The following SUMF1 variants were observed in gnomAD, a reference collection of about 807,000 sequenced individuals.
SUMF1 encodes formylglycine-generating enzyme.
Under a neutral mutation model 47.6 loss-of-function variants are expected in SUMF1, and 48 were observed. The observed-to-expected ratio is 1.01, with a 90% CI of 0.80 to 1.28. The LOEUF is 1.28. Ranked by LOEUF, SUMF1 falls within the 50% of genes most tolerant of loss-of-function variation. The pLI, the probability that SUMF1 is intolerant of heterozygous loss-of-function variation, is 0.00. For missense variants in SUMF1, 571 were observed against 485.4 expected (o/e 1.18, Z -1.66); for synonymous variants, 230 against 192.1 (o/e 1.20, Z -1.63).
chr3:4,333,874 TC>T (rs1321977588), intron 8 of SUMF1, among the ~76,000 whole-genome samples: 2 of 152,148 alleles, frequency 1.3e-5, no homozygotes, highest in East Asian at 3.9e-4. Flanking sequence ...ACACTTGTAA[TC>T]CCAGCACTTT....
intron 8 of SUMF1, among the ~76,000 whole-genome samples, chr3:4,187,830 C>A (rs1213536185): frequency 6.6e-6 from 1 of 152,000 alleles, no homozygotes; most frequent in Non-Finnish European, 1.5e-5. Context: ...TCCTTTGGAC[C>A]TCATATTGCC....
chr3:4,063,767 T>A lies in SUMF1; in HGVS notation c.1191+4802A>T, dbSNP rs11922050. The stretch of plus-strand genomic sequence containing the variant: ...TTTTTACATGTATTATATTACTCAA[T>A]CAGAAAACTTACTTTTGTGGACAAT... On this transcript the variant is annotated intron_variant and NMD_transcript_variant, in intron 9 of 12. Coordinates refer to the SUMF1 transcript ENST00000448413. Among the ~76,000 whole-genome samples the A allele has an allele frequency of 6.1e-3, 933 of 152,276 alleles. 12 individuals carry two copies. The highest frequency in any genetic ancestry group is 0.022 in the African/African-American group (895 of 41,560).
At chr3:4,392,613 G>A (rs988240548) in intron 7 of SUMF1, among the ~76,000 whole-genome samples, 11 of 77,830 alleles carry the variant, frequency 1.4e-4, no homozygotes, top group African/African-American at 3.5e-4. Context: ...GTGTGTGTGT[G>A]TGTATATATA....
chr3:4,212,669 G>T (rs1401327228), intron 8 of SUMF1, among the ~76,000 whole-genome samples: 1 of 152,048 alleles, frequency 6.6e-6, no homozygotes, highest in East Asian at 1.9e-4. Context: ...ATTGAAAAAA[G>T]GTTACACGAA....
rs139536086 is a variant in SUMF1 at position 4,412,689 on chromosome 3, G to A, written c.841-1711C>T. On this transcript the variant is annotated intron_variant, in intron 6 of 8. Coordinates refer to ENST00000272902, the MANE Select transcript of SUMF1 (RefSeq NM_182760.4). ...ACCTGGGGTCAAGAGTTCAAGACTA[G>A]CCTGGCCAACATGGTCAAACCCTGT... is the stretch of plus-strand genomic sequence containing the variant. 7.9e-3 allele frequency among the ~76,000 whole-genome samples: 1,205 copies of A among 152,226 alleles called. 14 individuals carry two copies. The highest frequency in any genetic ancestry group is 0.028 in the African/African-American group (1,162 of 41,536).
chr3:4,111,695 T>G (rs1266195580), intron 8 of SUMF1, among the ~76,000 whole-genome samples: 1 of 151,972 alleles, frequency 6.6e-6, no homozygotes, highest in African/African-American at 2.4e-5. Context: ...GCCGAGATTG[T>G]GCCATTGCAC....
At chr3:4,111,955 G>A (rs530947735) in intron 8 of SUMF1, among the ~76,000 whole-genome samples, 11 of 152,192 alleles carry the variant, frequency 7.2e-5, no homozygotes, top group Non-Finnish European at 1.3e-4. Flanking sequence ...ACAAAGTGGT[G>A]TAGATATTAG....
chr3:4,459,726 T>A (rs1173919165), intron 1 of SUMF1, among the ~76,000 whole-genome samples: 1 of 152,182 alleles, frequency 6.6e-6, no homozygotes, highest in Non-Finnish European at 1.5e-5. Context: ...AATATGTATC[T>A]CTCTAATCTC....
intron 8 of SUMF1, among the ~76,000 whole-genome samples, chr3:4,316,028 CAG>C (rs1449827825): frequency 8.1e-6 from 1 of 122,840 alleles, no homozygotes; most frequent in African/African-American, 3.3e-5. Context: ...GCTTGGGTGA[CAG>C]AGCGAGACTC....
intron 8 of SUMF1, among the ~76,000 whole-genome samples, chr3:4,082,953 G>A (rs1349980818): frequency 6.6e-6 from 1 of 152,132 alleles, no homozygotes; most frequent in African/African-American, 2.4e-5. Flanking sequence ...CCAGAGTGGT[G>A]CACTGCCTGA....
chr3:4,226,880 T>TC (rs11398864), intron 8 of SUMF1, among the ~76,000 whole-genome samples: 152,087 of 152,094 alleles, frequency 1, 76,040 homozygotes, highest in Middle Eastern at 1. Flanking sequence ...TTCTCACTTC[T>TC]CCCGTCCCCT....
At chr3:4,334,787 G>C (rs1699113105) in intron 8 of SUMF1, among the ~76,000 whole-genome samples, 2 of 152,178 alleles carry the variant, frequency 1.3e-5, no homozygotes. Context: ...TCCCAGATTA[G>C]GAAACGAACT....
Position 4,155,758 on chromosome 3 carries a change from G to A in SUMF1, c.1015-87013C>T, listed in dbSNP as rs1396606709. Among the ~76,000 whole-genome samples the A allele has an allele frequency of 5.3e-5, 8 of 151,292 alleles. 1 individual carries two copies. The highest frequency in any genetic ancestry group is 2.1e-4 in the South Asian group (1 of 4,824). On this transcript the variant is annotated intron_variant and NMD_transcript_variant, in intron 8 of 12. Coordinates refer to the SUMF1 transcript ENST00000448413. ...TTACAGATATGAACCCTGTCAGTCC[G>A]AAGCATCCCTGAACCTCTTCTTCTT...
chr3:4,331,850 T>A (rs1267576553), intron 8 of SUMF1, among the ~76,000 whole-genome samples: 1 of 151,980 alleles, frequency 6.6e-6, no homozygotes, highest in African/African-American at 2.4e-5. Flanking sequence ...AATAAATAAA[T>A]AAATCTAAAG....
At chr3:4,383,749 G>A (rs928933722) in intron 7 of SUMF1, among the ~76,000 whole-genome samples, 1 of 152,178 alleles carries the variant, frequency 6.6e-6, no homozygotes, top group African/African-American at 2.4e-5. Context: ...GGGAGACAAG[G>A]GGAAGCGATG....
chr3:4,283,846 G>A (rs927365380), intron 8 of SUMF1, among the ~76,000 whole-genome samples: 1 of 152,088 alleles, frequency 6.6e-6, no homozygotes, highest in Non-Finnish European at 1.5e-5. Context: ...TCTGGTAAGG[G>A]ATCACTTTCA....
At chr3:4,065,670 A>C (rs1344958400) in intron 9 of SUMF1, among the ~76,000 whole-genome samples, 1 of 152,076 alleles carries the variant, frequency 6.6e-6, no homozygotes, top group Non-Finnish European at 1.5e-5. Flanking sequence ...AAAAATTATC[A>C]TTTTGAGTGC....
intron 8 of SUMF1, among the ~76,000 whole-genome samples, chr3:4,155,049 A>G (rs1694422158): frequency 6.6e-6 from 1 of 151,466 alleles, no homozygotes; most frequent in South Asian, 2.1e-4. Context: ...AACATAGGTG[A>G]CATTCATTCA....
Position 4,325,608 on chromosome 3 carries a change from T to TACACAC in SUMF1, c.1014+50716_1014+50721dup, listed in dbSNP as rs139250144. 6.3e-3 allele frequency among the ~76,000 whole-genome samples: 934 copies of TACACAC among 149,370 alleles called. 6 individuals are homozygous for TACACAC. Among genetic ancestry groups the TACACAC allele is most frequent in the African/African-American group, 0.015 (631 of 40,772 alleles). ...GTATATATCTGTGTGTATATATGTG[T>TACACAC]ACACACACACACACACACACACATA... On this transcript the variant is annotated intron_variant and NMD_transcript_variant, in intron 8 of 12. Transcript: ENST00000448413.
Sources: gnomAD v4.1 joint callset for allele counts (sites outside exome capture counted in the v4.1 genomes callset) on GRCh38, gnomAD v4.1.1 for gene constraint, MANE v1.5 for transcripts, NCBI Gene and HGNC (gene_info 2026-07-23, HGNC 2026-07-21) for gene names.